The following EHMT2 variants were observed in gnomAD, a reference collection of about 807,000 sequenced individuals.
The protein encoded by EHMT2 is histone-lysine N-methyltransferase EHMT2.
EHMT2 carries 59 observed loss-of-function variants against 143.3 expected under a neutral mutation model. The ratio of observed to expected loss-of-function variants is 0.41; its 90% CI spans 0.33 to 0.51. The LOEUF (loss-of-function observed/expected upper bound fraction) is 0.51, where lower values mean the gene tolerates loss of function less well. Among genes scored for constraint, EHMT2 ranks in the 20% least tolerant of loss-of-function variants. EHMT2 has a pLI of 0.18. For missense variants in EHMT2, 1,174 were observed against 1,645.9 expected (o/e 0.71, Z 4.96); for synonymous variants, 604 against 651.5 (o/e 0.93, Z 1.11).
chr6:31,880,837 C>T lies in EHMT2; in HGVS notation c.3288G>A (p.Val1096=), dbSNP rs1764014871. Residue 1096 remains valine, a synonymous_variant, in exon 27 of 28, where the codon GTG becomes GTA. Transcript: ENST00000375537. This position sits in a 1 kb window ranked among gnomAD's most constrained non-coding sequence, Gnocchi z 6.6. ...CATAGTAACGGGCATCTATGCAGTACACCTCTCCATCCTGGGGCAGGGGGA... is the reference window on the plus strand; with the variant it reads ...CATAGTAACGGGCATCTATGCAGTATACCTCTCCATCCTGGGGCAGGGGGA... 4 of 1,613,786 alleles carry T rather than the reference C, an allele frequency of 2.5e-6. No individual in the cohort carries two copies. The highest frequency in any genetic ancestry group is 3.4e-6 in the Non-Finnish European group (4 of 1,180,022).
At chr6:31,893,464 CAT>C (rs1765967008) in intron 4 of EHMT2, 1 of 392,492 alleles carries the variant, frequency 2.5e-6, no homozygotes. Context: ...ATTACAGGCA[CAT>C]GTCACAATGC....
Position 31,880,431 on chromosome 6 carries a change from G to A in EHMT2, c.3453-167C>T. On this transcript the variant is annotated intron_variant, in intron 27 of 27. Transcript: ENST00000375537. The surrounding 1 kb of genome is among the most constrained non-coding windows in gnomAD (Gnocchi z 6.6). ...TCTATGGACTTTCAGCATCAGCATT[G>A]CCTGGGGACTTTTTAGAAATGCAGA... 1.1e-6 allele frequency: 1 copy of A among 888,176 alleles called. No homozygotes were observed. Among genetic ancestry groups the A allele is most frequent in the Non-Finnish European group, 1.7e-6 (1 of 598,314 alleles). The allele number at this position is 888,176 out of a possible 1,614,324, so 55.0% of individuals were successfully genotyped here. A position where few individuals can be genotyped will look rare whatever the true frequency, so the allele number is the denominator to read the frequency against.
At chr6:31,887,058 C>T (rs1764960541) in exon 16 of EHMT2, 1 of 1,612,768 alleles carries the variant, frequency 6.2e-7, no homozygotes, top group Non-Finnish European at 8.5e-7. Context: ...GGGGCGTGCG[C>T]TTGCTCTGCT....
At chr6:31,887,516 C>T in intron 15 of EHMT2, 61 bp downstream of exon 15, 1 of 1,470,236 alleles carries the variant, frequency 6.8e-7, no homozygotes, top group Non-Finnish European at 9.5e-7. Context: ...GCCCTGTACC[C>T]AGTGCCTGGT....
At chr6:31,896,408 C>G in exon 4 of EHMT2, 1 of 1,613,064 alleles carries the variant, frequency 6.2e-7, no homozygotes, top group Non-Finnish European at 8.5e-7. Context: ...CATAGCCAAA[C>G]TCTGGACAGA....
In EHMT2 at chr6:31,879,938, GCTGGGATCT is replaced by G. The variant is rs1467724927; in HGVS notation, c.*137_*145del. 1.0e-5 allele frequency: 10 copies of G among 987,134 alleles called. No individual in the cohort carries two copies. The East Asian group carries it at 2.4e-4, about 23-fold the overall frequency. The allele number at this position is 987,134 out of a possible 1,614,324, so 61.1% of individuals were successfully genotyped here. ...GGGGCTGTCAGACCTCCAGGGCCTG[GCTGGGATCT>G]CTGGTCAGGAATGTGTGAAAGGGTG... On this transcript the variant is annotated 3_prime_UTR_variant, in exon 28 of 28. Transcript: ENST00000375537.
At position 31,884,902 on chromosome 6, in the gene EHMT2, G is replaced by T. The variant is rs1474158644; in HGVS notation, c.2448+10C>A. 6.3e-7 allele frequency: 1 copy of T among 1,596,194 alleles called. No homozygotes were observed. Among genetic ancestry groups the T allele is most frequent in the African/African-American group, 1.3e-5 (1 of 74,712 alleles). On this transcript the variant is annotated intron_variant, in intron 19 of 27. Transcript: ENST00000375537. The surrounding 1 kb of genome is among the most constrained non-coding windows in gnomAD (Gnocchi z 7.3). ...TGGGGCTGCCCTACCTCAACCAAAC[G>T]CTCACTCACGTTGTCAGTGAGGGTG... is the stretch of plus-strand genomic sequence containing the variant.
chr6:31,895,155 T>A (rs1467445709), intron 4 of EHMT2, among the ~76,000 whole-genome samples: 2 of 152,212 alleles, frequency 1.3e-5, no homozygotes, highest in Admixed American at 6.5e-5. Context: ...CAGCGAGAAG[T>A]CAGCATGGAA....
chr6:31,884,785 G>A lies in EHMT2; in HGVS notation c.2463C>T (p.Cys821=). ...TGCCCGTGAAGGAGGCCCAGTGCAG[G>A]CAGATGTTCTCCTCCTGTGGAGGTA... Residue 821 remains cysteine, a synonymous_variant, in exon 20 of 28, where the codon TGC becomes TGT. Transcript: ENST00000375537. The surrounding 1 kb of genome is among the most constrained non-coding windows in gnomAD (Gnocchi z 7.3). 6.3e-7 allele frequency: 1 copy of A among 1,599,586 alleles called. No homozygotes were observed. Among genetic ancestry groups the A allele is most frequent in the Non-Finnish European group, 8.5e-7 (1 of 1,173,294 alleles).
At chr6:31,882,711 G>T in exon 25 of EHMT2, 1 of 1,612,520 alleles carries the variant, frequency 6.2e-7, no homozygotes, top group Non-Finnish European at 8.5e-7. Flanking sequence ...GCAGATGAAG[G>T]TCCCCTGTGG....
rs1311892012 is a variant in EHMT2 at position 31,886,707 on chromosome 6, C to G, written c.2242-25G>C. On this transcript the variant is annotated intron_variant, in intron 17 of 27. Transcript: ENST00000375537. ...CCTGAGGGAGACACGGGCAAATGAG[C>G]CTTTGGGCTGGCACCCCAAACCTGG... is the stretch of plus-strand genomic sequence containing the variant. 5 of 1,613,810 alleles carry G rather than the reference C, an allele frequency of 3.1e-6. No homozygotes were observed. In the African/African-American group the frequency reaches 6.7e-5, roughly 22 times the overall value.
rs1196153140 is a variant in EHMT2, at chr6:31,897,288, C to T, written c.43-299G>A. ...CCTCCTCCCGGCTGCACGCGCCGCT[C>T]CCCCTTTGTCCCCCAGGCCGCGGGG... On this transcript the variant is annotated intron_variant, in intron 1 of 27. Coordinates refer to ENST00000375537, the Ensembl canonical transcript of EHMT2. 4.2e-6 allele frequency: 3 copies of T among 720,102 alleles called. No individual in the cohort carries two copies. The African/African-American group carries it at 5.6e-5, about 13-fold the overall frequency. 44.6% of individuals were successfully genotyped at this position (720,102 alleles called of 1,614,324 possible).
intron 4 of EHMT2, among the ~76,000 whole-genome samples, chr6:31,895,053 G>A (rs1185938591): frequency 1.3e-5 from 2 of 152,168 alleles, no homozygotes; most frequent in South Asian, 2.1e-4. Context: ...AAAATGAATT[G>A]CAACTATAAA....
At chr6:31,885,195 G>A (rs1426107139) in intron 18 of EHMT2, 179 bp from the exon 19 acceptor site, 1 of 826,586 alleles carries the variant, frequency 1.2e-6, no homozygotes, top group African/African-American at 1.7e-5. Flanking sequence ...GGGACTAGTA[G>A]GGTCGGGCGC....
At chr6:31,897,645 C>CGCCGCCGCTGCAGCT (rs1766754471) in exon 1 of EHMT2, 1 of 1,160,484 alleles carries the variant, frequency 8.6e-7, no homozygotes, top group Non-Finnish European at 1.1e-6. Context: ...CCTCGGCGGC[C>CGCCGCCGCTGCAGCT]GCCGCCGCTG....
In EHMT2 at chr6:31,888,565, C is replaced by G; in HGVS notation, c.1365+34G>C. The G allele has an allele frequency of 6.2e-7, 1 of 1,609,820 alleles. No homozygotes were observed. The highest frequency in any genetic ancestry group is 1.7e-5 in the Admixed American group (1 of 59,908). On this transcript the variant is annotated intron_variant, in intron 11 of 27. Transcript: ENST00000375537. This position sits in a 1 kb window ranked among gnomAD's most constrained non-coding sequence, Gnocchi z 7.4. ...TGAGGCTGGGGCCGGGGACTGGACG[C>G]CCTGGCACCTCTCCCACCAGCCCAC...
chr6:31,891,851 T>C (rs1464756361), intron 7 of EHMT2, among the ~76,000 whole-genome samples: 1 of 152,132 alleles, frequency 6.6e-6, no homozygotes, highest in African/African-American at 2.4e-5. Context: ...GTCTGTTAAA[T>C]GGTCATTTCA....
chr6:31,895,094 G>A (rs933796304), intron 4 of EHMT2, among the ~76,000 whole-genome samples: 3 of 152,208 alleles, frequency 2.0e-5, no homozygotes, highest in Non-Finnish European at 2.9e-5. Context: ...AGAAAGGAAA[G>A]GTAGCTCATA....
At position 31,888,784 on chromosome 6, in the gene EHMT2, G is replaced by A. The variant is rs117584591; in HGVS notation, c.1217-37C>T. 0.012 allele frequency: 18,912 copies of A among 1,606,914 alleles called. 307 individuals carry two copies. The highest frequency in any genetic ancestry group is 0.047 in the South Asian group (4,262 of 90,620). On this transcript the variant is annotated intron_variant, in intron 10 of 27. Transcript: ENST00000375537. This position sits in a 1 kb window ranked among gnomAD's most constrained non-coding sequence, Gnocchi z 7.4. ...GAAAAGAGGAGCTGAGGGAGGCTCTGCACCTCACCTACTGGGACCCCTGGC... is the reference window on the plus strand; with the variant it reads ...GAAAAGAGGAGCTGAGGGAGGCTCTACACCTCACCTACTGGGACCCCTGGC...
Sources: allele counts gnomAD v4.1 joint callset (sites outside exome capture counted in the v4.1 genomes callset), GRCh38; gene constraint gnomAD v4.1.1; non-coding constraint Gnocchi (gnomAD v3.1); transcripts MANE v1.5; gene names NCBI Gene and HGNC (gene_info 2026-07-23, HGNC 2026-07-21).